Variants in CAP2 observed in about 807,000 individuals in gnomAD.
CAP2 encodes cyclase associated actin cytoskeleton regulatory protein 2.
Under a neutral mutation model 57.7 loss-of-function variants are expected in CAP2, and 24 were observed. The observed-to-expected ratio is 0.42, with a 90% confidence interval of 0.30 to 0.58. CAP2 has a LOEUF of 0.58. Ranked by LOEUF, CAP2 falls within the 20% of genes least tolerant of loss-of-function variation. The pLI, the probability that CAP2 is intolerant of heterozygous loss-of-function variation, is 0.22. For missense variants in CAP2, 501 were observed against 590.3 expected (o/e 0.85, Z 1.57); for synonymous variants, 194 against 207.2 (o/e 0.94, Z 0.55).
chr6:17,396,259 C>G (rs1758661311), intron 1 of CAP2, among the ~76,000 whole-genome samples: 1 of 152,160 alleles, frequency 6.6e-6, no homozygotes, highest in Non-Finnish European at 1.5e-5. Flanking sequence ...TCAAATTAAA[C>G]ATAAAGTTAC....
At chr6:17,500,384 T>TATATATATATATATATATATATA (rs869066480) in intron 4 of CAP2, among the ~76,000 whole-genome samples, 42 of 124,854 alleles carry the variant, frequency 3.4e-4, no homozygotes, top group Non-Finnish European at 4.9e-4. Flanking sequence ...TATATATATA[T>TATATATATATATATATATATATA]TTGGAGACGG....
chr6:17,407,815 G>A (rs1013706458), intron 1 of CAP2, among the ~76,000 whole-genome samples: 6 of 149,836 alleles, frequency 4.0e-5, no homozygotes, highest in African/African-American at 1.5e-4. Flanking sequence ...AAAGTCAAGT[G>A]TGAAAGTAGA....
At chr6:17,459,655 A>G (rs568456360) in intron 3 of CAP2, among the ~76,000 whole-genome samples, 5 of 152,342 alleles carry the variant, frequency 3.3e-5, no homozygotes, top group African/African-American at 7.2e-5. Context: ...AGGTGATAAA[A>G]CAAGAATGAA....
intron 4 of CAP2, among the ~76,000 whole-genome samples, chr6:17,492,179 C>T (rs980919301): frequency 1.3e-5 from 2 of 152,210 alleles, no homozygotes; most frequent in African/African-American, 4.8e-5. Context: ...CTTCTATAAT[C>T]AACCATGGGA....
chr6:17,479,588 G>T (rs1312153441), intron 4 of CAP2, among the ~76,000 whole-genome samples: 1 of 149,446 alleles, frequency 6.7e-6, no homozygotes, highest in Non-Finnish European at 1.5e-5. Context: ...AGGAAGAAGA[G>T]AAAAAGATCT....
At chr6:17,536,311 C>G (rs1234743048) in intron 7 of CAP2, 1 of 456,718 alleles carries the variant, frequency 2.2e-6, no homozygotes, top group Non-Finnish European at 4.4e-6. Flanking sequence ...AAGGGAACAT[C>G]TAATCAGTTT....
chr6:17,522,474 G>A (rs2113677003), intron 7 of CAP2, among the ~76,000 whole-genome samples: 1 of 152,278 alleles, frequency 6.6e-6, no homozygotes, highest in Non-Finnish European at 1.5e-5. Flanking sequence ...TGGAAAATAA[G>A]CCTTGTGAAT....
In CAP2 at chr6:17,543,040, TTG is replaced by T. The variant is rs758120322; in HGVS notation, c.1127-17_1127-16del. The T allele has an allele frequency of 1.7e-5, 28 of 1,613,272 alleles. No individual in the cohort carries two copies. The highest frequency in any genetic ancestry group is 2.3e-5 in the Non-Finnish European group (27 of 1,179,334). The stretch of plus-strand genomic sequence containing the variant: ...TGTATTTAGTGGAGTTGGTTTTTTG[TTG>T]TGTTTTTTCTCCCCACAGACAACTG... On this transcript the variant is annotated intron_variant, in intron 10 of 12. Coordinates refer to ENST00000229922, the MANE Select transcript of CAP2 (RefSeq NM_006366.3).
intron 3 of CAP2, among the ~76,000 whole-genome samples, chr6:17,450,254 T>G (rs1760368865): frequency 1.3e-5 from 2 of 152,130 alleles, no homozygotes; most frequent in Non-Finnish European, 1.5e-5. Flanking sequence ...GGTTTCACCA[T>G]TTTAGCCAGG....
chr6:17,406,160 C>T (rs751170429), intron 1 of CAP2, among the ~76,000 whole-genome samples: 2 of 152,082 alleles, frequency 1.3e-5, no homozygotes, highest in Non-Finnish European at 2.9e-5. Flanking sequence ...CTTTAGCTCT[C>T]GTCTCTCTGG....
intron 3 of CAP2, among the ~76,000 whole-genome samples, chr6:17,436,082 T>TTCCTTCCTTCCTTCCTTCCTTCCTTCC (rs1561782653): frequency 7.7e-5 from 6 of 77,450 alleles, no homozygotes; most frequent in African/African-American, 3.1e-4. Context: ...TCTTTCTTTC[T>TTCCTTCCTTCCTTCCTTCCTTCCTTCC]TTCTTTCCTT....
rs769965773 is a variant in CAP2, at chr6:17,507,145, C to T, written c.301-24C>T. On this transcript the variant is annotated intron_variant, in intron 4 of 12. Transcript: ENST00000229922. ...GCGTCTGCTCTGTCTGTAGTAAAAG[C>T]CCCCGATGTTTGACTGCTTACAGAA... 6 of 1,613,868 alleles carry T rather than the reference C, an allele frequency of 3.7e-6. No individual in the cohort carries two copies. In the South Asian group the frequency reaches 5.5e-5, roughly 15 times the overall value.
Position 17,489,204 on chromosome 6 carries a change from CGGGCACATCACGA to C in CAP2, c.301-17962_301-17950del, listed in dbSNP as rs921913171. Among the ~76,000 whole-genome samples, 8 of 152,244 alleles carry C rather than the reference CGGGCACATCACGA, an allele frequency of 5.3e-5. No homozygotes were observed. The East Asian group carries it at 1.5e-3, about 29-fold the overall frequency. ...ATTCCAACACTTTGGGAGGCTAAGG[CGGGCACATCACGA>C]GGTCAGGAGTTCAAGACCAGCCTGG... On this transcript the variant is annotated intron_variant, in intron 4 of 12. Transcript: ENST00000229922.
chr6:17,485,786 A>G (rs997139664), intron 4 of CAP2, among the ~76,000 whole-genome samples: 1 of 152,224 alleles, frequency 6.6e-6, no homozygotes, highest in African/African-American at 2.4e-5. Context: ...CGAGAGATGC[A>G]TAAGAACCTT....
intron 4 of CAP2, among the ~76,000 whole-genome samples, chr6:17,496,676 C>T (rs571788095): frequency 6.6e-6 from 1 of 152,040 alleles, no homozygotes; most frequent in South Asian, 2.1e-4. Flanking sequence ...ATGATGTTAC[C>T]CTTAAAAGAG....
intron 1 of CAP2, among the ~76,000 whole-genome samples, chr6:17,394,993 G>A (rs1009014858): frequency 2.6e-5 from 4 of 152,156 alleles, no homozygotes; most frequent in Admixed American, 2.6e-4. Flanking sequence ...AAGGAAAGGC[G>A]ACTTCTCCAT....
chr6:17,413,371 C>T lies in CAP2; in HGVS notation c.-1-8184C>T, dbSNP rs112411981. Among the ~76,000 whole-genome samples, 409 of 152,218 alleles carry T rather than the reference C, an allele frequency of 2.7e-3. 1 individual carries two copies. The highest frequency in any genetic ancestry group is 8.6e-3 in the African/African-American group (356 of 41,548). ...GCGAGAAGCTGGCTCCAGAAATGCTCTATAGGAGAGTAAGCAAAAGATACG... is the reference window on the plus strand; with the variant it reads ...GCGAGAAGCTGGCTCCAGAAATGCTTTATAGGAGAGTAAGCAAAAGATACG... On this transcript the variant is annotated intron_variant, in intron 1 of 12. Coordinates refer to ENST00000229922, the MANE Select transcript of CAP2 (RefSeq NM_006366.3).
intron 11 of CAP2, among the ~76,000 whole-genome samples, chr6:17,549,747 A>G (rs1424396456): frequency 6.6e-6 from 1 of 152,180 alleles, no homozygotes; most frequent in Admixed American, 6.5e-5. Context: ...CCTATATACT[A>G]AAGTCTGATG....
chr6:17,397,870 T>G (rs546902033), intron 1 of CAP2, among the ~76,000 whole-genome samples: 42 of 152,130 alleles, frequency 2.8e-4, no homozygotes, highest in African/African-American at 9.4e-4. Context: ...TCCATGTGTC[T>G]TGGCACACAT....
Sources: gnomAD v4.1 joint callset for allele counts (sites outside exome capture counted in the v4.1 genomes callset) on GRCh38, gnomAD v4.1.1 for gene constraint, MANE v1.5 for transcripts, NCBI Gene and HGNC (gene_info 2026-07-23, HGNC 2026-07-21) for gene names.